The following PCDHGA4 variants were observed in gnomAD, a reference collection of about 807,000 sequenced individuals.
The protein encoded by PCDHGA4 is protocadherin gamma-A4.
Under a neutral mutation model 54.6 loss-of-function variants are expected in PCDHGA4, and 38 were observed. The observed-to-expected ratio is 0.70, with a 90% CI of 0.54 to 0.91. The LOEUF (loss-of-function observed/expected upper bound fraction) is 0.91, where lower values mean the gene tolerates loss of function less well. Among genes scored for constraint, PCDHGA4 ranks in the 40% least tolerant of loss-of-function variants. PCDHGA4 has a pLI of 0.00. For missense variants in PCDHGA4, 1,298 were observed against 1,220.9 expected (o/e 1.06, Z -0.94); for synonymous variants, 511 against 512.9 (o/e 1.00, Z 0.05).
chr5:141,482,923 AT>A (rs1193255251), intron 1 of PCDHGA4, among the ~76,000 whole-genome samples: 10 of 152,074 alleles, frequency 6.6e-5, no homozygotes, highest in Non-Finnish European at 1.5e-4. Context: ...AATACAAAAA[AT>A]TAGCCAGGTG....
At chr5:141,455,438 C>G (rs1350941007) in intron 1 of PCDHGA4, among the ~76,000 whole-genome samples, 1 of 152,082 alleles carries the variant, frequency 6.6e-6, no homozygotes, top group Non-Finnish European at 1.5e-5. Context: ...GAGGAGGTCC[C>G]CATCTACCGC....
chr5:141,388,930 C>G, intron 1 of PCDHGA4: 1 of 1,614,002 alleles, frequency 6.2e-7, no homozygotes, highest in South Asian at 1.1e-5. Flanking sequence ...ATATTCCAGT[C>G]TCTACCCAAC....
chr5:141,482,126 A>G (rs1235540230), intron 1 of PCDHGA4, among the ~76,000 whole-genome samples: 1 of 152,004 alleles, frequency 6.6e-6, no homozygotes, highest in Non-Finnish European at 1.5e-5. Flanking sequence ...TGGGAGAATC[A>G]TATGGCTGGC....
intron 1 of PCDHGA4, chr5:141,420,003 T>C: frequency 6.2e-7 from 1 of 1,614,100 alleles, no homozygotes; most frequent in Non-Finnish European, 8.5e-7. Flanking sequence ...GCTCTACGCC[T>C]GCGACAGTCT....
At chr5:141,468,822 A>C (rs867400152) in intron 1 of PCDHGA4, among the ~76,000 whole-genome samples, 4 of 151,874 alleles carry the variant, frequency 2.6e-5, no homozygotes, top group Middle Eastern at 3.4e-3. Context: ...GCCAAGATCA[A>C]GCCACTGCAC....
intron 1 of PCDHGA4, among the ~76,000 whole-genome samples, chr5:141,482,179 G>A (rs1398839482): frequency 6.6e-6 from 1 of 152,040 alleles, no homozygotes; most frequent in Non-Finnish European, 1.5e-5. Flanking sequence ...AAGGCTTTAC[G>A]ATGCTCCAGT....
rs765050792 is a variant in PCDHGA4, at chr5:141,355,544, A to C, written c.437A>C (p.Lys146Thr). ...GAGATTCTTCTAGAAGATACAGTGA[A>C]GATTTTGCGGGTAGAGGTGGAAATA... Reference protein sequence around the residue: ...NLEILLEDTVKILRVEVEIID... With the variant: ...NLEILLEDTVTILRVEVEIID... Residue 146 changes from lysine (K) to threonine (T), a missense_variant, in exon 1 of 4, where the codon AAG becomes ACG. Coordinates refer to ENST00000571252, the MANE Select transcript of PCDHGA4 (RefSeq NM_018917.4). 6 of 1,614,058 alleles carry C rather than the reference A, an allele frequency of 3.7e-6. No individual in the cohort carries two copies. In the Admixed American group the frequency reaches 1.0e-4, roughly 27 times the overall value.
At chr5:141,360,787 G>A (rs758998647) in intron 1 of PCDHGA4, 14 of 1,613,764 alleles carry the variant, frequency 8.7e-6, no homozygotes, top group African/African-American at 1.3e-5. Flanking sequence ...TGTGGATGGC[G>A]GAGACCCACC....
At chr5:141,495,613 G>A (rs1230710705) in intron 2 of PCDHGA4, among the ~76,000 whole-genome samples, 2 of 152,068 alleles carry the variant, frequency 1.3e-5, no homozygotes, top group Non-Finnish European at 2.9e-5. Flanking sequence ...CTTGATTGCT[G>A]CACCTCAGCC....
In PCDHGA4 at chr5:141,491,607, T is replaced by G; in HGVS notation, c.2515-3200T>G. On this transcript the variant is annotated intron_variant, in intron 1 of 3. Coordinates refer to ENST00000571252, the MANE Select transcript of PCDHGA4 (RefSeq NM_018917.4). The surrounding 1 kb of genome is among the most constrained non-coding windows in gnomAD (Gnocchi z 6.9). ...CCTCGGACGGCAGTGACTTCACTTT[T>G]CTAAGACCCCTCAGCGTTCAGCAGC... 6.2e-7 allele frequency: 1 copy of G among 1,613,932 alleles called. No homozygotes were observed. The highest frequency in any genetic ancestry group is 1.1e-5 in the South Asian group (1 of 91,084).
chr5:141,387,830 TTA>T (rs2091113162), intron 1 of PCDHGA4: 1 of 1,590,004 alleles, frequency 6.3e-7, no homozygotes, highest in African/African-American at 1.3e-5. Context: ...AATACAGAGG[TTA>T]TTTGTAACCC....
At position 141,371,326 on chromosome 5, in the gene PCDHGA4, A is replaced by C. The variant is rs761989628; in HGVS notation, c.2514+13705A>C. ...ACTATTGGAGAACTGGACTTTGAAG[A>C]GAGAGATAGCTACACAATTGGGGTG... On this transcript the variant is annotated intron_variant, in intron 1 of 3. Coordinates refer to ENST00000571252, the MANE Select transcript of PCDHGA4 (RefSeq NM_018917.4). 55 of 1,613,874 alleles carry C rather than the reference A, an allele frequency of 3.4e-5. No homozygotes were observed. The highest frequency in any genetic ancestry group is 4.5e-5 in the Non-Finnish European group (53 of 1,179,892).
At chr5:141,376,382 C>T in intron 1 of PCDHGA4, 2 of 1,614,230 alleles carry the variant, frequency 1.2e-6, no homozygotes, top group Non-Finnish European at 1.7e-6. Flanking sequence ...GCGTAAGAGT[C>T]ATCTGATTTT....
chr5:141,448,788 A>C (rs865953914), intron 1 of PCDHGA4, among the ~76,000 whole-genome samples: 3 of 151,964 alleles, frequency 2.0e-5, no homozygotes, highest in South Asian at 2.1e-4. Flanking sequence ...AAAATACAAA[A>C]AAAAAAATTA....
At chr5:141,495,463 G>T (rs1562169154) in intron 2 of PCDHGA4, among the ~76,000 whole-genome samples, 1 of 152,114 alleles carries the variant, frequency 6.6e-6, no homozygotes, top group Non-Finnish European at 1.5e-5. Context: ...TCTGTCTGTG[G>T]GGTCTCCGTG....
intron 1 of PCDHGA4, among the ~76,000 whole-genome samples, chr5:141,492,482 A>G (rs1339196127): frequency 6.6e-6 from 1 of 152,182 alleles, no homozygotes; most frequent in Non-Finnish European, 1.5e-5. Context: ...GCGGCCGCCC[A>G]GGACCAGGCG....
Position 141,365,063 on chromosome 5 carries a change from T to C in PCDHGA4, c.2514+7442T>C, listed in dbSNP as rs757924486. On this transcript the variant is annotated intron_variant, in intron 1 of 3. Coordinates refer to ENST00000571252, the MANE Select transcript of PCDHGA4 (RefSeq NM_018917.4). ...CGACAATGCGCCCCTGTTCACCCCATCCGAGTACAGCGTGAGTGTTCCAGA... is the reference window on the plus strand; with the variant it reads ...CGACAATGCGCCCCTGTTCACCCCACCCGAGTACAGCGTGAGTGTTCCAGA... The C allele has an allele frequency of 6.8e-6, 11 of 1,613,692 alleles. No homozygotes were observed. Among genetic ancestry groups the C allele is most frequent in the Non-Finnish European group, 9.3e-6 (11 of 1,179,886 alleles).
chr5:141,489,530 G>A lies in PCDHGA4; in HGVS notation c.2515-5277G>A. 6.2e-7 allele frequency: 1 copy of A among 1,614,092 alleles called. No homozygotes were observed. Among genetic ancestry groups the A allele is most frequent in the Non-Finnish European group, 8.5e-7 (1 of 1,180,022 alleles). On this transcript the variant is annotated intron_variant, in intron 1 of 3. Transcript: ENST00000571252. This position sits in a 1 kb window ranked among gnomAD's most constrained non-coding sequence, Gnocchi z 4.5. ...AAGATTGACCGAGAAAGCCTATGTGGAGCCAGCACCAGCTGCCTGCTGCCA... is the reference window on the plus strand; with the variant it reads ...AAGATTGACCGAGAAAGCCTATGTGAAGCCAGCACCAGCTGCCTGCTGCCA...
At chr5:141,364,137 G>T in intron 1 of PCDHGA4, 1 of 496,716 alleles carries the variant, frequency 2.0e-6, no homozygotes, top group Non-Finnish European at 3.4e-6. Flanking sequence ...GTTGACCAAA[G>T]TGGGAAAGAA....
Sources: allele counts gnomAD v4.1 joint callset (sites outside exome capture counted in the v4.1 genomes callset), GRCh38; gene constraint gnomAD v4.1.1; non-coding constraint Gnocchi (gnomAD v3.1); transcripts MANE v1.5; gene names NCBI Gene and HGNC (gene_info 2026-07-23, HGNC 2026-07-21).